The following IL1RAPL1 variants were observed in gnomAD, a reference collection of about 807,000 sequenced individuals.
IL1RAPL1 encodes interleukin 1 receptor accessory protein like 1, also known as interleukin-1 receptor accessory protein-like 1.
In IL1RAPL1, 3 loss-of-function variants were observed where a neutral mutation model predicts 48.4. The ratio of observed to expected loss-of-function variants is 0.06; its 90% CI spans 0.03 to 0.16. The LOEUF is 0.16. Ranked by LOEUF, IL1RAPL1 falls within the 10% of genes least tolerant of loss-of-function variation. The pLI is 1.00. For missense variants in IL1RAPL1, 349 were observed against 530.6 expected, an observed-to-expected ratio of 0.66 and a Z score of 3.36; for synonymous variants, 185 against 187.7, an observed-to-expected ratio of 0.99 and a Z score of 0.12.
intron 6 of IL1RAPL1, among the ~76,000 whole-genome samples, chrX:29,705,587 TACAA>T (rs1927171791): frequency 8.9e-6 from 1 of 112,452 alleles, no homozygotes; most frequent in African/African-American, 3.2e-5. Flanking sequence ...AATCCCATTT[TACAA>T]ATGAGCAGAC....
intron 2 of IL1RAPL1, among the ~76,000 whole-genome samples, chrX:28,808,690 G>T (rs952372220): frequency 4.4e-4 from 49 of 110,560 alleles, no homozygotes; most frequent in Admixed American, 1.6e-3. Flanking sequence ...AATATTTTTT[G>T]GAAAACAAAT....
intron 2 of IL1RAPL1, among the ~76,000 whole-genome samples, chrX:28,858,203 G>T (rs1252615965): frequency 1.8e-5 from 2 of 112,208 alleles, no homozygotes; most frequent in East Asian, 2.8e-4. Flanking sequence ...AGCAATGAAA[G>T]TGGTTTCTTA....
At chrX:29,027,758 G>C (rs1197807061) in intron 2 of IL1RAPL1, among the ~76,000 whole-genome samples, 1 of 111,318 alleles carries the variant, frequency 9.0e-6, no homozygotes, top group Non-Finnish European at 1.9e-5. Context: ...CTATCTCCTT[G>C]TTGTTTTAAT....
At chrX:29,677,685 C>A (rs1926323898) in intron 6 of IL1RAPL1, among the ~76,000 whole-genome samples, 1 of 111,818 alleles carries the variant, frequency 8.9e-6, no homozygotes, top group Non-Finnish European at 1.9e-5. Flanking sequence ...TGTGTGACCT[C>A]CCGTTGTTTA....
chrX:28,953,068 T>G (rs1482957), intron 2 of IL1RAPL1, among the ~76,000 whole-genome samples: 36,799 of 110,190 alleles, frequency 0.33, 5,695 homozygotes, highest in Non-Finnish European at 0.48. Flanking sequence ...AAAACTATAG[T>G]GTAGGCATAT....
At chrX:29,120,190 G>A (rs1928754317) in intron 2 of IL1RAPL1, among the ~76,000 whole-genome samples, 1 of 112,123 alleles carries the variant, frequency 8.9e-6, no homozygotes, top group African/African-American at 3.2e-5. Flanking sequence ...TTGCTTTTCA[G>A]GACTTTGTCA....
At chrX:29,772,629 A>G in intron 6 of IL1RAPL1, among the ~76,000 whole-genome samples, 1 of 112,008 alleles carries the variant, frequency 8.9e-6, no homozygotes, top group Non-Finnish European at 1.9e-5. Flanking sequence ...ATTTTAATTC[A>G]CGTTTAGATT....
At chrX:29,614,686 C>A (rs894620257) in intron 5 of IL1RAPL1, among the ~76,000 whole-genome samples, 6 of 111,974 alleles carry the variant, frequency 5.4e-5, no homozygotes, top group African/African-American at 1.6e-4. Flanking sequence ...GCATTATTTC[C>A]TTTGAAAGCT....
At chrX:29,473,904 C>T (rs986150378) in intron 5 of IL1RAPL1, among the ~76,000 whole-genome samples, 1 of 111,461 alleles carries the variant, frequency 9.0e-6, no homozygotes, top group African/African-American at 3.3e-5. Context: ...CCAAACATTA[C>T]TTAAGTATTG....
At chrX:29,919,880 C>T (rs899290884) in intron 7 of IL1RAPL1, 69 bp from the exon 8 acceptor site, 2 of 1,038,983 alleles carry the variant, frequency 1.9e-6, no homozygotes, top group Non-Finnish European at 2.7e-6. Context: ...TCGGATTCAT[C>T]TACATTTCTT....
At chrX:29,333,183 C>T (rs1185748213) in intron 3 of IL1RAPL1, among the ~76,000 whole-genome samples, 2 of 106,669 alleles carry the variant, frequency 1.9e-5, no homozygotes, top group East Asian at 6.0e-4. Context: ...CAGACGGGGT[C>T]GTGGCCGGGC....
At chrX:29,908,072 T>TATA (rs1932678365) in intron 6 of IL1RAPL1, among the ~76,000 whole-genome samples, 1 of 111,058 alleles carries the variant, frequency 9.0e-6, no homozygotes, top group Non-Finnish European at 1.9e-5. Flanking sequence ...ATTAAATTTA[T>TATA]TGCTACAAAT....
At chrX:28,773,698 G>C (rs1025651145) in intron 1 of IL1RAPL1, among the ~76,000 whole-genome samples, 2 of 111,428 alleles carry the variant, frequency 1.8e-5, no homozygotes, top group Middle Eastern at 4.6e-3. Flanking sequence ...TCCTTCAACT[G>C]TCTCCTCCCC....
At chrX:29,189,985 G>A (rs1426328642) in intron 2 of IL1RAPL1, among the ~76,000 whole-genome samples, 1 of 111,610 alleles carries the variant, frequency 9.0e-6, no homozygotes, top group Non-Finnish European at 1.9e-5. Context: ...GGACCTTGAA[G>A]TTAGGCAGAT....
intron 2 of IL1RAPL1, among the ~76,000 whole-genome samples, chrX:29,010,931 A>G (rs1209849786): frequency 8.9e-6 from 1 of 112,114 alleles, no homozygotes; most frequent in Non-Finnish European, 1.9e-5. Context: ...TTAGAATACA[A>G]GCAGACACAT....
chrX:29,686,383 T>C (rs1926617152), intron 6 of IL1RAPL1, among the ~76,000 whole-genome samples: 1 of 110,635 alleles, frequency 9.0e-6, no homozygotes, highest in Admixed American at 9.6e-5. Flanking sequence ...CACTGACTAA[T>C]TGAGAATCTC....
At chrX:29,254,405 A>G (rs780781946) in intron 2 of IL1RAPL1, among the ~76,000 whole-genome samples, 2 of 110,936 alleles carry the variant, frequency 1.8e-5, no homozygotes, top group East Asian at 5.7e-4. Context: ...AAAATAGAAT[A>G]TGTATAAATG....
In IL1RAPL1 at chrX:28,634,357, AT is replaced by A. The variant is rs748327509; in HGVS notation, c.-25+46311del. 2.7e-3 allele frequency among the ~76,000 whole-genome samples: 291 copies of A among 109,270 alleles called. 1 individual carries two copies. Among genetic ancestry groups the A allele is most frequent in the African/African-American group, 8.2e-3 (246 of 30,047 alleles). The allele number at this position is 109,270 out of a possible 115,157, so 94.9% of individuals were successfully genotyped here. On this transcript the variant is annotated intron_variant, in intron 1 of 10. Coordinates refer to ENST00000378993, the MANE Select transcript of IL1RAPL1 (RefSeq NM_014271.4). ...TGTGTGTGTGTGTGTATATGTATAT[AT>A]GTGTATATATACATATACACGTATG...
intron 5 of IL1RAPL1, among the ~76,000 whole-genome samples, chrX:29,662,064 G>A: frequency 9.0e-6 from 1 of 111,525 alleles, no homozygotes; most frequent in Admixed American, 9.6e-5. Context: ...ACTCTCCAAA[G>A]CATTCCTCTT....
Sources: allele counts gnomAD v4.1 joint callset (sites outside exome capture counted in the v4.1 genomes callset), GRCh38; gene constraint gnomAD v4.1.1; transcripts MANE v1.5; gene names NCBI Gene and HGNC (gene_info 2026-07-23, HGNC 2026-07-21).